CPQ: variants seen among roughly 807,000 people sequenced by gnomAD.
CPQ encodes Ser-Met dipeptidase.
A neutral mutation model predicts 45.7 loss-of-function variants in CPQ; 37 were observed. That is an observed-to-expected ratio of 0.81 (90% CI 0.62 to 1.07). The LOEUF (loss-of-function observed/expected upper bound fraction) is 1.07. Among genes scored for constraint, CPQ ranks in the 50% least tolerant of loss-of-function variants. CPQ has a pLI of 0.00. For missense variants in CPQ, 537 were observed against 572.9 expected (o/e 0.94, Z 0.64); for synonymous variants, 186 against 205.8 (o/e 0.90, Z 0.82).
intron 4 of CPQ, among the ~76,000 whole-genome samples, chr8:96,934,320 G>A (rs188048275): frequency 4.6e-5 from 7 of 152,314 alleles, no homozygotes; most frequent in Non-Finnish European, 8.8e-5. Flanking sequence ...AGACTTTGTG[G>A]AGGAGAAAGC....
chr8:96,685,100 A>G (rs1809207933), intron 1 of CPQ, among the ~76,000 whole-genome samples: 1 of 151,380 alleles, frequency 6.6e-6, no homozygotes, highest in Non-Finnish European at 1.5e-5. Context: ...GTGAAACTCC[A>G]TCTCAAAAAC....
chr8:96,928,193 T>C (rs1812918673), intron 4 of CPQ, among the ~76,000 whole-genome samples: 1 of 152,146 alleles, frequency 6.6e-6, no homozygotes, highest in African/African-American at 2.4e-5. Context: ...GGAAAAGTGC[T>C]CTTTCAGTTC....
intron 4 of CPQ, among the ~76,000 whole-genome samples, chr8:96,908,178 G>C (rs1812604801): frequency 6.6e-6 from 1 of 151,388 alleles, no homozygotes; most frequent in African/African-American, 2.4e-5. Flanking sequence ...GAGAGAGAGA[G>C]GAGAGAGGGA....
chr8:97,015,729 T>G (rs1006639402), intron 5 of CPQ, among the ~76,000 whole-genome samples: 2 of 152,156 alleles, frequency 1.3e-5, no homozygotes, highest in Non-Finnish European at 2.9e-5. Flanking sequence ...AACTCAGTTC[T>G]ATATTTCTAT....
At chr8:96,956,183 T>C (rs1813354642) in intron 4 of CPQ, among the ~76,000 whole-genome samples, 1 of 152,216 alleles carries the variant, frequency 6.6e-6, no homozygotes, top group Non-Finnish European at 1.5e-5. Flanking sequence ...TTTAAAATAA[T>C]TATTCCTTAT....
At chr8:96,808,196 A>G (rs1452681837) in intron 2 of CPQ, among the ~76,000 whole-genome samples, 1 of 152,218 alleles carries the variant, frequency 6.6e-6, no homozygotes, top group Non-Finnish European at 1.5e-5. Flanking sequence ...GATTGTGACT[A>G]TATAGCTATA....
chr8:96,659,413 G>A (rs939502729), intron 1 of CPQ: 14 of 152,298 alleles, frequency 9.2e-5, no homozygotes, highest in African/African-American at 3.4e-4. Context: ...GTTCTGTGGG[G>A]CATCCAAGGA....
chr8:96,700,233 T>C (rs1809438913), intron 1 of CPQ, among the ~76,000 whole-genome samples: 1 of 152,120 alleles, frequency 6.6e-6, no homozygotes, highest in Non-Finnish European at 1.5e-5. Flanking sequence ...GCTGCACTAC[T>C]CTGCCAAGGC....
At chr8:96,899,664 C>T (rs1812490213) in intron 4 of CPQ, among the ~76,000 whole-genome samples, 1 of 152,100 alleles carries the variant, frequency 6.6e-6, no homozygotes, top group Non-Finnish European at 1.5e-5. Context: ...AAAACTCACT[C>T]ACTATTGCAA....
chr8:96,678,305 A>G (rs559645433), intron 1 of CPQ, among the ~76,000 whole-genome samples: 1 of 152,238 alleles, frequency 6.6e-6, no homozygotes, highest in South Asian at 2.1e-4. Context: ...ATCCATGAGC[A>G]TGGGATGTGT....
intron 7 of CPQ, among the ~76,000 whole-genome samples, chr8:97,115,739 T>G (rs1251554769): frequency 6.6e-6 from 1 of 152,210 alleles, no homozygotes; most frequent in Non-Finnish European, 1.5e-5. Context: ...TTCATATTCA[T>G]TATGGCACAA....
At chr8:97,129,234 C>T (rs1374419064) in intron 7 of CPQ, among the ~76,000 whole-genome samples, 1 of 152,196 alleles carries the variant, frequency 6.6e-6, no homozygotes, top group Non-Finnish European at 1.5e-5. Flanking sequence ...ATGGCAGCTT[C>T]ACAGAATTGC....
At position 96,650,914 on chromosome 8, in the gene CPQ, T is replaced by C. The variant is rs567023205; in HGVS notation, c.-35+5512T>C. Among the ~76,000 whole-genome samples, 12 of 152,342 alleles carry C rather than the reference T, an allele frequency of 7.9e-5. 1 individual carries two copies. Among genetic ancestry groups the C allele is most frequent in the Admixed American group, 7.2e-4 (11 of 15,304 alleles). ...AATTTTTTATGAGGCAAATAATCCCTTTATAAAATGAACAATCAGTCACTC... is the reference window on the plus strand; with the variant it reads ...AATTTTTTATGAGGCAAATAATCCCCTTATAAAATGAACAATCAGTCACTC... On this transcript the variant is annotated intron_variant, in intron 1 of 7. Transcript: ENST00000220763.
intron 2 of CPQ, among the ~76,000 whole-genome samples, chr8:96,803,498 G>A (rs1379578762): frequency 1.3e-5 from 2 of 152,172 alleles, no homozygotes; most frequent in African/African-American, 4.8e-5. Flanking sequence ...AAGCTTTCAA[G>A]TTTGGATTGG....
intron 5 of CPQ, among the ~76,000 whole-genome samples, chr8:96,999,611 G>A (rs528402837): frequency 1.4e-4 from 21 of 152,114 alleles, no homozygotes; most frequent in African/African-American, 4.8e-4. Flanking sequence ...TGGTGGGTAT[G>A]TACCACATTT....
chr8:97,137,403 C>T (rs992113241), intron 7 of CPQ, among the ~76,000 whole-genome samples: 1 of 152,204 alleles, frequency 6.6e-6, no homozygotes, highest in African/African-American at 2.4e-5. Context: ...ATCCACAATT[C>T]TAATTCATCC....
chr8:96,718,116 C>T (rs368501174), intron 1 of CPQ, among the ~76,000 whole-genome samples: 3 of 152,218 alleles, frequency 2.0e-5, no homozygotes, highest in Admixed American at 1.3e-4. Flanking sequence ...GGGCACACTG[C>T]TTCTGTGCTT....
chr8:97,073,542 A>G (rs939785721), intron 7 of CPQ, among the ~76,000 whole-genome samples: 2 of 152,080 alleles, frequency 1.3e-5, no homozygotes, highest in Non-Finnish European at 2.9e-5. Context: ...ATGAAAAGGA[A>G]CCTCTCTGAT....
chr8:97,031,437 C>T (rs1482258981), intron 6 of CPQ, among the ~76,000 whole-genome samples: 17 of 152,068 alleles, frequency 1.1e-4, no homozygotes, highest in African/African-American at 3.4e-4. Flanking sequence ...CTGCCCGCCT[C>T]GGCCTCCCAA....
Sources: allele counts gnomAD v4.1 joint callset (sites outside exome capture counted in the v4.1 genomes callset), GRCh38; gene constraint gnomAD v4.1.1; transcripts MANE v1.5; gene names NCBI Gene and HGNC (gene_info 2026-07-23, HGNC 2026-07-21).